The following TEP1 variants were observed in gnomAD, a reference collection of about 807,000 sequenced individuals.
TEP1 encodes telomerase protein component 1.
Under a neutral mutation model 306.3 loss-of-function variants are expected in TEP1, and 241 were observed. That is an observed-to-expected ratio of 0.79 (90% confidence interval 0.71 to 0.88). TEP1 has a LOEUF of 0.88. TEP1 is among the 40% of genes least tolerant of loss of function. The probability of loss-of-function intolerance (pLI) is 0.00; values close to 1 mark genes in which losing one functional copy is unlikely to be tolerated. For missense variants in TEP1, 3,051 were observed against 3,276.1 expected (o/e 0.93, Z 1.68); for synonymous variants, 1,289 against 1,305.5 (o/e 0.99, Z 0.27).
intron 12 of TEP1, among the ~76,000 whole-genome samples, chr14:20,393,385 C>T (rs1235123821): frequency 6.6e-6 from 1 of 152,084 alleles, no homozygotes; most frequent in East Asian, 1.9e-4. Flanking sequence ...CAGCACTATC[C>T]AATAGAATTC....
intron 15 of TEP1, among the ~76,000 whole-genome samples, chr14:20,390,427 T>A (rs1390025740): frequency 6.6e-6 from 1 of 152,218 alleles, no homozygotes; most frequent in African/African-American, 2.4e-5. Flanking sequence ...TGTCGATAGC[T>A]TGAAATCAGC....
At position 20,381,005 on chromosome 14, in the gene TEP1, GTAAGGAACTTCGAAAGAAGTCCACGGT is replaced by G; in HGVS notation, c.4661_4687del (p.Asn1554_Leu1562del). The G allele has an allele frequency of 8.1e-6, 13 of 1,614,186 alleles. No individual in the cohort carries two copies. The highest frequency in any genetic ancestry group is 1.1e-5 in the Non-Finnish European group (13 of 1,180,030). ...GTGTGCAGCCACCACATGGAGGTTG[GTAAGGAACTTCGAAAGAAGTCCACGGT>G]TCCCGCTCTGGAGCTGAGAAGGTCA... is the stretch of plus-strand genomic sequence containing the variant. On this transcript the variant is annotated inframe_deletion, in exon 33 of 55. Transcript: ENST00000262715. The surrounding 1 kb of genome is among the most constrained non-coding windows in gnomAD (Gnocchi z 4.0).
chr14:20,400,779 ATAAT>A (rs1396567450), intron 9 of TEP1: 1 of 597,886 alleles, frequency 1.7e-6, no homozygotes, highest in Non-Finnish European at 2.9e-6. Flanking sequence ...TACATCTGGT[ATAAT>A]GATCTATGAT....
intron 7 of TEP1, among the ~76,000 whole-genome samples, chr14:20,402,931 G>A (rs2139179664): frequency 6.6e-6 from 1 of 152,142 alleles, no homozygotes; most frequent in East Asian, 1.9e-4. Context: ...GGTCAAGGCA[G>A]GTGGATCACG....
intron 9 of TEP1, 138 bp from the exon 10 acceptor site, chr14:20,396,868 C>A (rs1236477049): frequency 9.6e-6 from 5 of 521,434 alleles, no homozygotes; most frequent in Non-Finnish European, 1.7e-5. Flanking sequence ...AGAGTCCAGC[C>A]TGGGCAACAT....
chr14:20,383,749 G>A lies in TEP1; in HGVS notation c.3704C>T (p.Thr1235Ile), dbSNP rs2139068603. 1.2e-6 allele frequency: 2 copies of A among 1,611,512 alleles called. No individual in the cohort carries two copies. The highest frequency in any genetic ancestry group is 1.7e-6 in the Non-Finnish European group (2 of 1,179,232). The change falls in exon 25 of 55, where the codon ACC becomes ATC. Residue 1235 changes from threonine (T) to isoleucine (I), a missense_variant. Thr to Ile is a moderately conservative substitution (Grantham distance 89). Coordinates refer to ENST00000262715, the MANE Select transcript of TEP1 (RefSeq NM_007110.5). ...QLKEPGALPS[T>I]YRSLVWELQQ... Reference sequence around the variant, plus strand: ...CTCATTGGGGGATACCCACCGGTAGGTGCTGGGGAGGGCACCTGGCTCTTT... The same window carrying A: ...CTCATTGGGGGATACCCACCGGTAGATGCTGGGGAGGGCACCTGGCTCTTT...
rs75830725 is a variant in TEP1, at chr14:20,371,782, T to A, written c.7077-150A>T. The A allele has an allele frequency of 3.0e-3, 2,765 of 936,044 alleles. 61 individuals are homozygous for A. The African/African-American group carries it at 0.042, about 14-fold the overall frequency. The allele number at this position is 936,044 out of a possible 1,614,324, so 58.0% of individuals were successfully genotyped here. A position where few individuals can be genotyped will look rare whatever the true frequency, so the allele number is the denominator to read the frequency against. ...ATCCTGTTCCACTTTCTGGTTTTTG[T>A]TTTTTAACATTAGTATTCATCGGTG... On this transcript the variant is annotated intron_variant, in intron 49 of 54. Coordinates refer to ENST00000262715, the MANE Select transcript of TEP1 (RefSeq NM_007110.5).
chr14:20,384,463 A>G lies in TEP1; in HGVS notation c.3267T>C (p.Val1089=). 1 of 1,614,050 alleles carries G rather than the reference A, an allele frequency of 6.2e-7. No homozygotes were observed. Among genetic ancestry groups the G allele is most frequent in the Non-Finnish European group, 8.5e-7 (1 of 1,180,014 alleles). The change falls in exon 23 of 55, where the codon GTT becomes GTC. Residue 1089 remains valine, a synonymous_variant. Transcript: ENST00000262715. ...ACTGCCCAAACTCCTCCAGCCCGCC[A>G]ACATAGGGCCGGCCAGCTGCCACAC... ...WGGVAAGRPY[V]GGLEEFGQLV...
intron 7 of TEP1, 25 bp from the exon 8 acceptor site, chr14:20,401,606 C>T (rs760958776): frequency 6.2e-6 from 10 of 1,612,938 alleles, no homozygotes; most frequent in East Asian, 2.2e-5. Flanking sequence ...CCAAGTCCCA[C>T]AGGGGTCCTT....
chr14:20,387,971 C>T lies in TEP1; in HGVS notation c.2618G>A (p.Gly873Glu), dbSNP rs1877346862. The T allele has an allele frequency of 6.2e-7, 1 of 1,613,978 alleles. No homozygotes were observed. Among genetic ancestry groups the T allele is most frequent in the Admixed American group, 1.7e-5 (1 of 59,990 alleles). Residue 873 changes from glycine to glutamate, a missense_variant, in exon 18 of 55, where the codon GGG becomes GAG. Physicochemically the swap from Gly to Glu is moderately conservative, Grantham distance 98. This residue lies in a region of TEP1 where 1,507 missense variants were observed against 1,550.5 expected (regional missense o/e 0.97). Coordinates refer to ENST00000262715, the MANE Select transcript of TEP1 (RefSeq NM_007110.5). ...FKIPPPPGKT[G>E]VQSLRPLEED... ...TTCCAGTGGCCGGAGAGACTGGACCCCTGTCTTTCCTGGGGGTGGTGGAAT... is the reference window on the plus strand; with the variant it reads ...TTCCAGTGGCCGGAGAGACTGGACCTCTGTCTTTCCTGGGGGTGGTGGAAT...
At position 20,406,147 on chromosome 14, in the gene TEP1, C is replaced by CTG. The variant is rs1320689717; in HGVS notation, c.735+84_735+85dup. 2.4e-5 allele frequency: 33 copies of CTG among 1,366,318 alleles called. No homozygotes were observed. The East Asian group carries it at 7.2e-4, about 30-fold the overall frequency. 84.6% of individuals were successfully genotyped at this position (1,366,318 alleles called of 1,614,324 possible). A position where few individuals can be genotyped will look rare whatever the true frequency, so the allele number is the denominator to read the frequency against. On this transcript the variant is annotated intron_variant, in intron 3 of 54. Coordinates refer to ENST00000262715, the MANE Select transcript of TEP1 (RefSeq NM_007110.5). ...TTGTATCCCTACCTTCCCCTTCCAA[C>CTG]TGGGGAGGGGACCTGGTTCAAGTAC...
intron 10 of TEP1, 32 bp downstream of exon 10, chr14:20,396,588 TG>T: frequency 6.4e-7 from 1 of 1,569,000 alleles, no homozygotes; most frequent in Non-Finnish European, 8.7e-7. Context: ...ATCTAGTTGC[TG>T]GGCCCCATGG....
chr14:20,381,167 G>A lies in TEP1; in HGVS notation c.4648-122C>T, dbSNP rs376395382. On this transcript the variant is annotated intron_variant, in intron 32 of 54. Transcript: ENST00000262715. This position sits in a 1 kb window ranked among gnomAD's most constrained non-coding sequence, Gnocchi z 4.0. ...TGGGACAAAGGACTTGAAGAAGAAG[G>A]GCAGGAAAACTGAAAGGAAAGAGGT... 8.2e-7 allele frequency: 1 copy of A among 1,212,800 alleles called. No homozygotes were observed. Among genetic ancestry groups the A allele is most frequent in the Non-Finnish European group, 1.2e-6 (1 of 819,080 alleles). The allele number at this position is 1,212,800 out of a possible 1,614,324, so 75.1% of individuals were successfully genotyped here.
In TEP1 at chr14:20,383,294, C is replaced by G. The variant is rs1876763718; in HGVS notation, c.3927G>C (p.Gln1309His). ...AGGCCAGCACGTGGGCACCCTGGCT[C>G]TGCTCAAGGGTCTCCCCTAGGCCTG... is the stretch of plus-strand genomic sequence containing the variant. ...SDAGLGETLE[Q>H]SQGAHVLALG... The change falls in exon 27 of 55, where the codon CAG (glutamine) becomes CAC (histidine). Residue 1309 changes from glutamine (Q) to histidine (H), a missense_variant. Around this residue, in one of 3 missense-constraint regions of TEP1, gnomAD observed 1,540 missense variants for 1,705.9 expected, o/e 0.90. Coordinates refer to ENST00000262715, the MANE Select transcript of TEP1 (RefSeq NM_007110.5). 1 of 1,612,860 alleles carries G rather than the reference C, an allele frequency of 6.2e-7. No homozygotes were observed. The highest frequency in any genetic ancestry group is 8.5e-7 in the Non-Finnish European group (1 of 1,179,536).
rs1337891858 is a variant in TEP1, at chr14:20,384,199, G to T, written c.3373C>A (p.Pro1125Thr). 1 of 1,614,040 alleles carries T rather than the reference G, an allele frequency of 6.2e-7. No individual in the cohort carries two copies. Among genetic ancestry groups the T allele is most frequent in the South Asian group, 1.1e-5 (1 of 91,082 alleles). The change falls in exon 24 of 55, where the codon CCA becomes ACA. Residue 1125 changes from proline to threonine, a missense_variant. By Grantham distance (38) the Pro-to-Thr change is conservative (BLOSUM62 -1). Around this residue, in one of 3 missense-constraint regions of TEP1, gnomAD observed 1,507 missense variants for 1,550.5 expected, o/e 0.97. Transcript: ENST00000262715. ...GTGGCCTGGACCAAGTCATCGTCTG[G>T]GATGGACACTGGCTGCTCCAGCAGG... ...GALLEQPVSI[P>T]DDDLVQATFQ...
At chr14:20,377,531 G>A (rs773357648) in intron 40 of TEP1, 39 bp from the exon 41 acceptor site, 5 of 1,611,956 alleles carry the variant, frequency 3.1e-6, no homozygotes, top group African/African-American at 1.3e-5. Context: ...AGACACTTGG[G>A]AAGGGGTAGG....
At position 20,381,892 on chromosome 14, in the gene TEP1, G is replaced by A; in HGVS notation, c.4424+21C>T. The A allele has an allele frequency of 3.1e-6, 5 of 1,612,610 alleles. No individual in the cohort carries two copies. The highest frequency in any genetic ancestry group is 4.2e-6 in the Non-Finnish European group (5 of 1,179,308). On this transcript the variant is annotated intron_variant, in intron 30 of 54. Coordinates refer to ENST00000262715, the MANE Select transcript of TEP1 (RefSeq NM_007110.5). The surrounding 1 kb of genome is among the most constrained non-coding windows in gnomAD (Gnocchi z 4.0). Reference sequence around the variant, plus strand: ...GGAAGGCACAGAGAGGTCAGCGGGAGCTCTGCTGGGGCACCTGTACCTGCG... The same window carrying A: ...GGAAGGCACAGAGAGGTCAGCGGGAACTCTGCTGGGGCACCTGTACCTGCG...
At position 20,377,416 on chromosome 14, in the gene TEP1, C is replaced by A. The variant is rs1297690445; in HGVS notation, c.5952G>T (p.Val1984=). Reference sequence around the variant, plus strand: ...GCAAGGACCCATCTTCTGCACCACTCACCAATACCTTGGGGCTTAGCCAGG... The same window carrying A: ...GCAAGGACCCATCTTCTGCACCACTAACCAATACCTTGGGGCTTAGCCAGG... The part of the protein sequence containing the change: ...ALAWLSPKVL[V]SGAEDGSLQG... Residue 1984 remains valine, a synonymous_variant, in exon 41 of 55, where the codon GTG becomes GTT. Transcript: ENST00000262715. The A allele has an allele frequency of 1.9e-6, 3 of 1,614,126 alleles. No individual in the cohort carries two copies. In the Admixed American group the frequency reaches 5.0e-5, roughly 27 times the overall value.
chr14:20,389,462 A>G (rs1461592629), intron 16 of TEP1, 148 bp downstream of exon 16: 6 of 1,434,072 alleles, frequency 4.2e-6, no homozygotes, highest in African/African-American at 1.4e-5. Context: ...GAGTTAGGCT[A>G]AAGTATCCAC....
Sources: gnomAD v4.1 joint callset for allele counts (sites outside exome capture counted in the v4.1 genomes callset) on GRCh38, gnomAD v4.1.1 for gene constraint, gnomAD v4.1.1 regional missense constraint, Gnocchi (gnomAD v3.1) non-coding constraint, MANE v1.5 for transcripts, NCBI Gene and HGNC (gene_info 2026-07-23, HGNC 2026-07-21) for gene names.